Variants in ZNF704 observed in about 807,000 individuals in gnomAD.
The protein encoded by ZNF704 is zinc finger protein 704.
A neutral mutation model predicts 44.7 loss-of-function variants in ZNF704; 10 were observed. The ratio of observed to expected loss-of-function variants is 0.22; its 90% CI spans 0.14 to 0.38. The LOEUF (loss-of-function observed/expected upper bound fraction) is 0.38, where lower values mean the gene tolerates loss of function less well. Ranked by LOEUF, ZNF704 falls within the 10% of genes least tolerant of loss-of-function variation. The pLI is 1.00. For synonymous variants in ZNF704, 211 were observed against 207.6 expected (o/e 1.02, Z -0.14); for missense variants, 390 against 545.5 (o/e 0.71, Z 2.84).
rs75549023 is a variant in ZNF704 at position 80,844,548 on chromosome 8, G to A, written c.-21-22933C>T. Among the ~76,000 whole-genome samples the A allele has an allele frequency of 1.3e-3, 195 of 152,162 alleles. 1 individual carries two copies. The East Asian group carries it at 0.034, about 26-fold the overall frequency. On this transcript the variant is annotated intron_variant, in intron 1 of 8. Transcript: ENST00000327835. ...AATTCTTGAAGGACACAAACATTCC[G>A]TCTATAGTGCTTCCCTACCACAACA... is the stretch of plus-strand genomic sequence containing the variant.
At chr8:80,759,132 G>A (rs1345869537) in intron 2 of ZNF704, among the ~76,000 whole-genome samples, 1 of 152,198 alleles carries the variant, frequency 6.6e-6, no homozygotes, top group Non-Finnish European at 1.5e-5. Context: ...TACTAGGAAT[G>A]CAAGGAGTAG....
chr8:80,636,407 T>TC lies in ZNF704; in HGVS notation c.*4958dup, dbSNP rs1389496228. 7.2e-5 allele frequency: 11 copies of TC among 152,224 alleles called. No individual in the cohort carries two copies. Among genetic ancestry groups the TC allele is most frequent in the African/African-American group, 2.7e-4 (11 of 41,460 alleles). The allele number at this position is 152,224 out of a possible 1,614,324, so 9.4% of individuals were successfully genotyped here. On this transcript the variant is annotated 3_prime_UTR_variant, in exon 9 of 9. Transcript: ENST00000327835. ...TGGATATGGGCTTTTTCAAAGTCAG[T>TC]CATAATAAGCAAACCAGTTGGTCTT... is the stretch of plus-strand genomic sequence containing the variant.
chr8:80,771,617 T>G (rs1002473528), intron 2 of ZNF704, among the ~76,000 whole-genome samples: 6 of 152,194 alleles, frequency 3.9e-5, no homozygotes, highest in African/African-American at 7.2e-5. Flanking sequence ...CCTTGGAATA[T>G]TCTACTTAAA....
chr8:80,850,436 A>C (rs1435916713), intron 1 of ZNF704, among the ~76,000 whole-genome samples: 1 of 152,172 alleles, frequency 6.6e-6, no homozygotes, highest in African/African-American at 2.4e-5. Flanking sequence ...AATGCATCTG[A>C]TATGACGGCA....
intron 2 of ZNF704, among the ~76,000 whole-genome samples, chr8:80,732,262 C>T (rs997371438): frequency 6.6e-6 from 1 of 152,096 alleles, no homozygotes; most frequent in African/African-American, 2.4e-5. Flanking sequence ...TTATTATTCC[C>T]CTTTCCTGGT....
intron 1 of ZNF704, among the ~76,000 whole-genome samples, chr8:80,847,179 A>G (rs193156140): frequency 6.6e-6 from 1 of 152,190 alleles, no homozygotes; most frequent in Admixed American, 6.5e-5. Context: ...TCTTAAAAAT[A>G]AAATAAAATA....
At chr8:80,692,961 GGT>G in intron 3 of ZNF704, 41 bp downstream of exon 3, 1 of 1,543,738 alleles carries the variant, frequency 6.5e-7, no homozygotes, top group Non-Finnish European at 8.9e-7. Context: ...CCCTGCTCTT[GGT>G]GTCAAGGGGC....
At chr8:80,847,439 T>C (rs1446845934) in intron 1 of ZNF704, among the ~76,000 whole-genome samples, 2 of 152,190 alleles carry the variant, frequency 1.3e-5, no homozygotes, top group African/African-American at 2.4e-5. Context: ...TCTATCAAAA[T>C]TCCAGCAATA....
chr8:80,754,094 C>T (rs1187256556), intron 2 of ZNF704, among the ~76,000 whole-genome samples: 1 of 152,202 alleles, frequency 6.6e-6, no homozygotes, highest in African/African-American at 2.4e-5. Context: ...TCTCTCCTGT[C>T]TACTCCCAAA....
intron 5 of ZNF704, among the ~76,000 whole-genome samples, chr8:80,668,222 CG>C (rs1818225501): frequency 6.6e-6 from 1 of 152,218 alleles, no homozygotes; most frequent in Admixed American, 6.5e-5. Flanking sequence ...GCAGAGGCCA[CG>C]GGTGTCCCCT....
At chr8:80,871,296 C>T (rs868677997) in intron 1 of ZNF704, among the ~76,000 whole-genome samples, 9 of 152,330 alleles carry the variant, frequency 5.9e-5, no homozygotes, top group Middle Eastern at 3.4e-3. Flanking sequence ...GCAGGCACCT[C>T]CCAGCCTCCT....
chr8:80,860,419 T>TAGA (rs1809040077), intron 1 of ZNF704, among the ~76,000 whole-genome samples: 2 of 152,248 alleles, frequency 1.3e-5, no homozygotes, highest in Admixed American at 1.3e-4. Flanking sequence ...CTGAGCCTTG[T>TAGA]AGAACTTCAC....
rs1420693919 is a variant in ZNF704 at position 80,631,088 on chromosome 8, T to A, written c.*10278A>T. ...TGTGAAAGGAGGGGCTTTGCTATCA[T>A]CACAGGTGTTGGTCACATCACAGCC... is the stretch of plus-strand genomic sequence containing the variant. On this transcript the variant is annotated 3_prime_UTR_variant, in exon 9 of 9. Coordinates refer to ENST00000327835, the MANE Select transcript of ZNF704 (RefSeq NM_001033723.3). 1 of 152,176 alleles carries A rather than the reference T, an allele frequency of 6.6e-6. No individual in the cohort carries two copies. Among genetic ancestry groups the A allele is most frequent in the Non-Finnish European group, 1.5e-5 (1 of 68,050 alleles). 9.4% of individuals were successfully genotyped at this position (152,176 alleles called of 1,614,324 possible).
intron 7 of ZNF704, among the ~76,000 whole-genome samples, chr8:80,657,921 G>T (rs117045551): frequency 6.6e-6 from 1 of 152,082 alleles, no homozygotes; most frequent in Non-Finnish European, 1.5e-5. Flanking sequence ...ACTGAGATGA[G>T]GGTAGAAATA....
intron 2 of ZNF704, among the ~76,000 whole-genome samples, chr8:80,804,648 TG>T (rs1807957638): frequency 6.6e-6 from 1 of 151,798 alleles, no homozygotes; most frequent in Non-Finnish European, 1.5e-5. Context: ...GGACACATGG[TG>T]GGGAAAAACA....
At chr8:80,831,419 G>C (rs748041083) in intron 1 of ZNF704, among the ~76,000 whole-genome samples, 1 of 152,238 alleles carries the variant, frequency 6.6e-6, no homozygotes, top group East Asian at 1.9e-4. Context: ...CTGGTGATCT[G>C]CAAGGTCTAG....
intron 2 of ZNF704, among the ~76,000 whole-genome samples, chr8:80,782,914 T>C (rs1449301068): frequency 1.3e-5 from 2 of 152,056 alleles, no homozygotes; most frequent in Non-Finnish European, 2.9e-5. Context: ...AACCCGCCCA[T>C]ATGGAGTGCC....
intron 2 of ZNF704, among the ~76,000 whole-genome samples, chr8:80,698,367 G>C (rs569347515): frequency 2.0e-5 from 3 of 152,298 alleles, no homozygotes; most frequent in African/African-American, 7.2e-5. Flanking sequence ...GGACAGAAGA[G>C]CTTTTGGGCA....
intron 2 of ZNF704, among the ~76,000 whole-genome samples, chr8:80,703,351 G>A (rs1427491274): frequency 6.6e-6 from 1 of 152,010 alleles, no homozygotes; most frequent in African/African-American, 2.4e-5. Flanking sequence ...CAAGGGCCAG[G>A]GGCACTGACT....
Sources: gnomAD v4.1 joint callset for allele counts (sites outside exome capture counted in the v4.1 genomes callset) on GRCh38, gnomAD v4.1.1 for gene constraint, MANE v1.5 for transcripts, NCBI Gene and HGNC (gene_info 2026-07-23, HGNC 2026-07-21) for gene names.